LRMDA: variants seen among roughly 807,000 people sequenced by gnomAD.
LRMDA encodes leucine-rich melanocyte differentiation-associated protein.
Under a neutral mutation model 29.8 loss-of-function variants are expected in LRMDA, and 18 were observed. That is an observed-to-expected ratio of 0.60 (90% CI 0.42 to 0.90). The LOEUF (loss-of-function observed/expected upper bound fraction) is 0.90, where lower values mean the gene tolerates loss of function less well. Ranked by LOEUF, LRMDA falls within the 40% of genes least tolerant of loss-of-function variation. LRMDA has a pLI of 0.00. For synonymous variants in LRMDA, 125 were observed against 109.4 expected, an observed-to-expected ratio of 1.14 and a Z score of -0.89; for missense variants, 273 against 273.9, an observed-to-expected ratio of 1.00 and a Z score of 0.02.
chr10:76,125,189 C>T (rs2132129094), intron 5 of LRMDA, among the ~76,000 whole-genome samples: 1 of 152,224 alleles, frequency 6.6e-6, no homozygotes, highest in East Asian at 1.9e-4. Flanking sequence ...TTATTCCTGT[C>T]AGCTGACTGC....
intron 2 of LRMDA, among the ~76,000 whole-genome samples, chr10:75,910,637 A>G (rs772870497): frequency 3.3e-5 from 5 of 152,214 alleles, no homozygotes; most frequent in Non-Finnish European, 7.3e-5. Flanking sequence ...AGAAAGAGAA[A>G]TTGGAGCAAG....
intron 2 of LRMDA, among the ~76,000 whole-genome samples, chr10:75,775,531 T>A (rs1023100730): frequency 2.0e-5 from 3 of 152,248 alleles, no homozygotes; most frequent in Admixed American, 6.5e-5. Flanking sequence ...GTGGTCAACA[T>A]AATGGGTCAT....
At chr10:76,445,819 A>AT (rs1210402196) in intron 6 of LRMDA, among the ~76,000 whole-genome samples, 1 of 152,240 alleles carries the variant, frequency 6.6e-6, no homozygotes, top group Non-Finnish European at 1.5e-5. Context: ...TTCATTAAAC[A>AT]TTTTTAAAAA....
At chr10:76,219,712 CAGAA>C (rs1163120216) in intron 5 of LRMDA, among the ~76,000 whole-genome samples, 1 of 152,132 alleles carries the variant, frequency 6.6e-6, no homozygotes, top group Admixed American at 6.6e-5. Flanking sequence ...ATCAACGAGA[CAGAA>C]AGTTAACAAG....
intron 2 of LRMDA, among the ~76,000 whole-genome samples, chr10:75,911,040 T>G (rs1845835044): frequency 6.6e-6 from 1 of 152,088 alleles, no homozygotes; most frequent in Non-Finnish European, 1.5e-5. Flanking sequence ...TGTGCATTAT[T>G]CTTTACTGTG....
chr10:75,840,665 A>T (rs762052942), intron 2 of LRMDA, among the ~76,000 whole-genome samples: 9 of 152,212 alleles, frequency 5.9e-5, no homozygotes, highest in Non-Finnish European at 1.0e-4. Flanking sequence ...AAGGCAGTGA[A>T]ACTCTCATAT....
At chr10:75,973,087 G>A (rs1237703738) in intron 2 of LRMDA, among the ~76,000 whole-genome samples, 2 of 151,882 alleles carry the variant, frequency 1.3e-5, no homozygotes, top group African/African-American at 2.4e-5. Flanking sequence ...TCCTGTTTAC[G>A]TGTTCTTATG....
intron 2 of LRMDA, among the ~76,000 whole-genome samples, chr10:75,484,726 G>C (rs1051037126): frequency 2.0e-5 from 3 of 152,108 alleles, no homozygotes; most frequent in Non-Finnish European, 4.4e-5. Flanking sequence ...AGAGAGCTCT[G>C]TCTCTCCTCA....
chr10:75,982,038 C>T (rs1270315874), intron 2 of LRMDA, among the ~76,000 whole-genome samples: 2 of 152,038 alleles, frequency 1.3e-5, no homozygotes, highest in African/African-American at 2.4e-5. Flanking sequence ...TACATATGTG[C>T]CCCCCTTTTT....
intron 2 of LRMDA, among the ~76,000 whole-genome samples, chr10:75,521,401 A>C (rs1845355714): frequency 6.6e-6 from 1 of 152,172 alleles, no homozygotes; most frequent in African/African-American, 2.4e-5. Context: ...TTACCTACTC[A>C]AGCCTCAGCA....
chr10:75,821,565 TGA>T (rs1186702247), intron 2 of LRMDA, among the ~76,000 whole-genome samples: 1 of 151,976 alleles, frequency 6.6e-6, no homozygotes, highest in Non-Finnish European at 1.5e-5. Context: ...GTCAGGAGAT[TGA>T]GACCATCCTG....
chr10:76,397,391 T>C (rs1841797544), intron 6 of LRMDA, among the ~76,000 whole-genome samples: 1 of 152,174 alleles, frequency 6.6e-6, no homozygotes, highest in Admixed American at 6.5e-5. Flanking sequence ...GCCACTAGCA[T>C]TGGGAAGCTT....
At chr10:75,992,281 A>T (rs1296007371) in intron 2 of LRMDA, among the ~76,000 whole-genome samples, 1 of 152,186 alleles carries the variant, frequency 6.6e-6, no homozygotes, top group Non-Finnish European at 1.5e-5. Flanking sequence ...GGTAGCATAG[A>T]TGCATCCTCC....
In LRMDA at chr10:76,056,835, A is replaced by G. The variant is rs533788985; in HGVS notation, c.399-1831A>G. Among the ~76,000 whole-genome samples the G allele has an allele frequency of 1.3e-4, 20 of 152,276 alleles. No individual in the cohort carries two copies. The East Asian group carries it at 3.1e-3, about 24-fold the overall frequency. On this transcript the variant is annotated intron_variant, in intron 4 of 6. Coordinates refer to ENST00000611255, the MANE Select transcript of LRMDA (RefSeq NM_001305581.2). ...TCTGCAGCTGCAGCTGGGCAGCTGC[A>G]GTTGCACCTGGGAGCAGGGGCTCCT... is the stretch of plus-strand genomic sequence containing the variant.
chr10:76,126,128 G>A (rs1481299080), intron 5 of LRMDA, among the ~76,000 whole-genome samples: 1 of 152,176 alleles, frequency 6.6e-6, no homozygotes, highest in Non-Finnish European at 1.5e-5. Context: ...CACATTCCCG[G>A]ACTGCCTCAG....
chr10:75,817,887 T>G (rs1844088274), intron 2 of LRMDA, among the ~76,000 whole-genome samples: 1 of 152,170 alleles, frequency 6.6e-6, no homozygotes. Context: ...AGAGTAAGAC[T>G]GAGTTAAAGA....
intron 2 of LRMDA, among the ~76,000 whole-genome samples, chr10:75,889,767 A>AT (rs1040015297): frequency 7.9e-5 from 12 of 152,250 alleles, no homozygotes; most frequent in African/African-American, 2.9e-4. Flanking sequence ...AACCAGGCAC[A>AT]TGATGGGGGT....
chr10:75,959,736 C>T (rs1402605893), intron 2 of LRMDA, among the ~76,000 whole-genome samples: 10 of 152,074 alleles, frequency 6.6e-5, no homozygotes, highest in Non-Finnish European at 1.3e-4. Context: ...TATATATTTG[C>T]TTATCTATGT....
chr10:76,268,447 C>T (rs543023698), intron 5 of LRMDA, among the ~76,000 whole-genome samples: 2 of 152,280 alleles, frequency 1.3e-5, no homozygotes, highest in East Asian at 1.9e-4. Context: ...TCTTTGGCTT[C>T]ATGGTATTTA....
Sources: allele counts gnomAD v4.1 joint callset (sites outside exome capture counted in the v4.1 genomes callset), GRCh38; gene constraint gnomAD v4.1.1; transcripts MANE v1.5; gene names NCBI Gene and HGNC (gene_info 2026-07-23, HGNC 2026-07-21).